WWOX: variants seen among roughly 807,000 people sequenced by gnomAD.
WWOX encodes the protein WW domain-containing oxidoreductase.
A neutral mutation model predicts 46.2 loss-of-function variants in WWOX; 69 were observed. The observed-to-expected ratio is 1.49, with a 90% CI of 1.23 to 1.82. WWOX has a LOEUF of 1.82. Ranked by LOEUF, WWOX falls within the 40% of genes most tolerant of loss-of-function variation. The pLI is 0.00. For missense variants in WWOX, 919 were observed against 542.6 expected (o/e 1.69, Z -6.89); for synonymous variants, 359 against 202.6 (o/e 1.77, Z -6.56).
chr16:78,443,612 G>A (rs1040083404), intron 8 of WWOX, among the ~76,000 whole-genome samples: 2 of 152,114 alleles, frequency 1.3e-5, no homozygotes, highest in African/African-American at 2.4e-5. Context: ...ATGAGCACCC[G>A]AGAAGGGGAG....
chr16:79,159,483 G>A (rs2050443606), intron 8 of WWOX, among the ~76,000 whole-genome samples: 1 of 152,064 alleles, frequency 6.6e-6, no homozygotes, highest in African/African-American at 2.4e-5. Flanking sequence ...CCTTCTACTG[G>A]GAGACGGTTG....
At chr16:78,695,481 G>C (rs542696257) in intron 8 of WWOX, among the ~76,000 whole-genome samples, 14 of 152,134 alleles carry the variant, frequency 9.2e-5, no homozygotes, top group Non-Finnish European at 1.9e-4. Flanking sequence ...TTTCATGATA[G>C]AAGTAGGTCA....
chr16:78,891,784 G>C (rs1421153522), intron 8 of WWOX: 1 of 152,064 alleles, frequency 6.6e-6, no homozygotes, highest in Non-Finnish European at 1.5e-5. Flanking sequence ...ATTCTTCTAA[G>C]AGCACTGAAA....
chr16:78,503,346 C>T (rs1307655059), intron 8 of WWOX, among the ~76,000 whole-genome samples: 5 of 152,030 alleles, frequency 3.3e-5, no homozygotes, highest in African/African-American at 1.2e-4. Context: ...TCCAACTGTT[C>T]CACTTTTGTA....
intron 8 of WWOX, among the ~76,000 whole-genome samples, chr16:78,440,053 A>G (rs985820174): frequency 1.3e-5 from 2 of 152,196 alleles, no homozygotes; most frequent in African/African-American, 4.8e-5. Flanking sequence ...GAGACTAGAA[A>G]AGTGCATAAC....
chr16:78,221,606 G>A (rs1312888814), intron 5 of WWOX, among the ~76,000 whole-genome samples: 1 of 152,196 alleles, frequency 6.6e-6, no homozygotes, highest in African/African-American at 2.4e-5. Flanking sequence ...CAATATTGAA[G>A]CAGGACCCGA....
chr16:78,253,009 G>A (rs1021795878), intron 5 of WWOX, among the ~76,000 whole-genome samples: 2 of 152,166 alleles, frequency 1.3e-5, no homozygotes, highest in African/African-American at 2.4e-5. Flanking sequence ...ATCTATTTAC[G>A]TAGGCCCTTT....
In WWOX at chr16:78,316,184, T is replaced by C. The variant is rs779725414; in HGVS notation, c.517-70676T>C. The stretch of plus-strand genomic sequence containing the variant: ...CGCCTTGAACCTGGGAGGTGGAGGT[T>C]GCATTCAGTCGAGACCATGCTAGTG... On this transcript the variant is annotated intron_variant, in intron 5 of 8. Coordinates refer to ENST00000566780, the MANE Select transcript of WWOX (RefSeq NM_016373.4). 5.3e-4 allele frequency among the ~76,000 whole-genome samples: 81 copies of C among 152,164 alleles called. 1 individual carries two copies. The highest frequency in any genetic ancestry group is 3.4e-3 in the Middle Eastern group (1 of 294).
At chr16:79,116,346 A>C (rs1385978155) in intron 8 of WWOX, among the ~76,000 whole-genome samples, 3 of 152,192 alleles carry the variant, frequency 2.0e-5, no homozygotes, top group Non-Finnish European at 4.4e-5. Flanking sequence ...CTCACAGCAG[A>C]ATTTATCTCA....
intron 8 of WWOX, among the ~76,000 whole-genome samples, chr16:79,159,294 A>C (rs1207599144): frequency 6.6e-6 from 1 of 152,232 alleles, no homozygotes; most frequent in African/African-American, 2.4e-5. Flanking sequence ...TGTGATTTCC[A>C]ACACAGCTAA....
intron 8 of WWOX, among the ~76,000 whole-genome samples, chr16:78,620,186 A>T (rs1315993717): frequency 6.6e-6 from 1 of 152,194 alleles, no homozygotes; most frequent in Non-Finnish European, 1.5e-5. Context: ...TTGGTTTCTG[A>T]AATGAGAAAT....
At chr16:78,935,912 A>G (rs1272980675) in intron 8 of WWOX, among the ~76,000 whole-genome samples, 2 of 152,044 alleles carry the variant, frequency 1.3e-5, no homozygotes, top group South Asian at 2.1e-4. Context: ...ACCCTGTCTC[A>G]AAATAAAATA....
intron 8 of WWOX, among the ~76,000 whole-genome samples, chr16:78,953,408 A>C (rs1052333324): frequency 3.9e-5 from 6 of 152,162 alleles, no homozygotes; most frequent in African/African-American, 7.2e-5. Flanking sequence ...CACAAAATTC[A>C]AACCTAGTCA....
intron 5 of WWOX, among the ~76,000 whole-genome samples, chr16:78,284,762 C>G (rs574654544): frequency 6.6e-6 from 1 of 152,274 alleles, no homozygotes; most frequent in Admixed American, 6.5e-5. Flanking sequence ...GCAATAGATG[C>G]AGTAAAGAAA....
intron 8 of WWOX, among the ~76,000 whole-genome samples, chr16:78,607,388 G>T (rs958554418): frequency 7.9e-5 from 12 of 152,178 alleles, no homozygotes; most frequent in African/African-American, 2.9e-4. Flanking sequence ...GACGATGGAA[G>T]AGTTTGGAAA....
chr16:78,867,486 G>GTGTT (rs758435940), intron 8 of WWOX, among the ~76,000 whole-genome samples: 4 of 65,848 alleles, frequency 6.1e-5, no homozygotes, highest in Non-Finnish European at 6.8e-5. Context: ...AAATGATTTT[G>GTGTT]TGTGTGTGTG....
At chr16:78,859,851 A>G (rs79516001) in intron 8 of WWOX, among the ~76,000 whole-genome samples, 10 of 152,120 alleles carry the variant, frequency 6.6e-5, no homozygotes, top group Admixed American at 3.9e-4. Context: ...TTTTTTTTAA[A>G]GACATTATTT....
chr16:79,177,650 C>T (rs967945759), intron 8 of WWOX, among the ~76,000 whole-genome samples: 1 of 152,124 alleles, frequency 6.6e-6, no homozygotes, highest in African/African-American at 2.4e-5. Context: ...TAAGGTTTCT[C>T]AATGTGTGTT....
intron 5 of WWOX, among the ~76,000 whole-genome samples, chr16:78,326,348 T>C (rs1272564341): frequency 2.6e-5 from 4 of 152,218 alleles, no homozygotes; most frequent in Non-Finnish European, 5.9e-5. Flanking sequence ...TATGCCAATT[T>C]GGCATATTCT....
Sources: gnomAD v4.1 joint callset for allele counts (sites outside exome capture counted in the v4.1 genomes callset) on GRCh38, gnomAD v4.1.1 for gene constraint, MANE v1.5 for transcripts, NCBI Gene and HGNC (gene_info 2026-07-23, HGNC 2026-07-21) for gene names.